The following CABLES1 variants were observed in gnomAD, a reference collection of about 807,000 sequenced individuals.
The protein encoded by CABLES1 is CDK5 and ABL1 enzyme substrate 1.
In CABLES1, 36 loss-of-function variants were observed where a neutral mutation model predicts 57.8. The observed-to-expected ratio is 0.62, with a 90% CI of 0.48 to 0.82. The LOEUF is 0.82. Among genes scored for constraint, CABLES1 ranks in the 40% least tolerant of loss-of-function variants. The pLI, the probability that CABLES1 is intolerant of heterozygous loss-of-function variation, is 0.00. For synonymous variants in CABLES1, 374 were observed against 363.0 expected, an observed-to-expected ratio of 1.03 and a Z score of -0.35; for missense variants, 767 against 836.6, an observed-to-expected ratio of 0.92 and a Z score of 1.03.
At chr18:23,138,897 A>T (rs1237222169) in intron 1 of CABLES1, among the ~76,000 whole-genome samples, 1 of 152,160 alleles carries the variant, frequency 6.6e-6, no homozygotes, top group Non-Finnish European at 1.5e-5. Flanking sequence ...TGGGCTTTGC[A>T]CCTTCAGCTT....
intron 4 of CABLES1, among the ~76,000 whole-genome samples, chr18:23,223,579 GAAA>G (rs1164603815): frequency 5.6e-5 from 4 of 71,864 alleles, no homozygotes; most frequent in Admixed American, 1.3e-4. Context: ...CTCCGTCTCA[GAAA>G]AAAAAAAAAA....
chr18:23,167,905 C>T (rs1349662403), intron 1 of CABLES1, among the ~76,000 whole-genome samples: 2 of 152,204 alleles, frequency 1.3e-5, no homozygotes, highest in Non-Finnish European at 2.9e-5. Flanking sequence ...GCGCTCGCGC[C>T]CTTCGGTTCA....
chr18:23,241,284 G>A (rs890811887), intron 7 of CABLES1, among the ~76,000 whole-genome samples: 1 of 152,072 alleles, frequency 6.6e-6, no homozygotes, highest in Non-Finnish European at 1.5e-5. Context: ...CACTTTGGGA[G>A]GCCGAGGTGG....
At chr18:23,206,396 G>T (rs1203929142) in intron 3 of CABLES1, among the ~76,000 whole-genome samples, 1 of 152,244 alleles carries the variant, frequency 6.6e-6, no homozygotes, top group Non-Finnish European at 1.5e-5. Flanking sequence ...TGGGGAAAAG[G>T]TTAGTAAATG....
chr18:23,199,693 G>A (rs951448695), intron 3 of CABLES1, among the ~76,000 whole-genome samples: 2 of 152,192 alleles, frequency 1.3e-5, no homozygotes, highest in African/African-American at 4.8e-5. Flanking sequence ...TAGGGCAAGA[G>A]GGAATTATTG....
intron 7 of CABLES1, among the ~76,000 whole-genome samples, chr18:23,247,775 C>A (rs994400236): frequency 6.6e-6 from 1 of 152,246 alleles, no homozygotes; most frequent in Non-Finnish European, 1.5e-5. Flanking sequence ...GAGAGCACAG[C>A]AGACAGGAGG....
intron 1 of CABLES1, among the ~76,000 whole-genome samples, chr18:23,171,067 A>G (rs1046172160): frequency 6.6e-6 from 1 of 152,168 alleles, no homozygotes; most frequent in Non-Finnish European, 1.5e-5. Context: ...AAGTGTTGGG[A>G]TTGTAGGCGT....
At chr18:23,191,906 TAAA>T (rs147984743) in intron 2 of CABLES1, among the ~76,000 whole-genome samples, 681 of 81,620 alleles carry the variant, frequency 8.3e-3, no homozygotes, top group Non-Finnish European at 0.012. Context: ...GTTGAATGCT[TAAA>T]AAAAAAAAAA....
At chr18:23,194,561 C>T (rs769396520) in intron 3 of CABLES1, 21 bp downstream of exon 3, 13 of 1,521,752 alleles carry the variant, frequency 8.5e-6, no homozygotes, top group African/African-American at 8.2e-5. Flanking sequence ...CACACAGAAG[C>T]GGCTGCCAGC....
chr18:23,141,818 G>A (rs1056073614), intron 1 of CABLES1, among the ~76,000 whole-genome samples: 2 of 152,224 alleles, frequency 1.3e-5, no homozygotes, highest in Non-Finnish European at 1.5e-5. Context: ...TCTGCGCCAC[G>A]TGCTCAGTAG....
At chr18:23,161,572 G>C in intron 1 of CABLES1, among the ~76,000 whole-genome samples, 1 of 150,060 alleles carries the variant, frequency 6.7e-6, no homozygotes, top group East Asian at 2.0e-4. Flanking sequence ...GGAGTTTGAG[G>C]CCTAACATAC....
chr18:23,247,174 C>G (rs2047917580), intron 7 of CABLES1, among the ~76,000 whole-genome samples: 1 of 152,270 alleles, frequency 6.6e-6, no homozygotes, highest in Admixed American at 6.5e-5. Flanking sequence ...AGGATGCCAT[C>G]TCTTGGCATG....
At chr18:23,245,370 G>C (rs1207942475) in intron 7 of CABLES1, among the ~76,000 whole-genome samples, 4 of 152,084 alleles carry the variant, frequency 2.6e-5, no homozygotes, top group African/African-American at 9.7e-5. Context: ...AAATAGCCAG[G>C]CGTGGTGGCG....
intron 1 of CABLES1, among the ~76,000 whole-genome samples, chr18:23,168,628 A>G (rs376293804): frequency 1.3e-5 from 2 of 152,214 alleles, no homozygotes; most frequent in Non-Finnish European, 2.9e-5. Flanking sequence ...ATCTTTTACC[A>G]TTTTAATAAA....
At position 23,167,518 on chromosome 18, in the gene CABLES1, GTGT is replaced by G. The variant is rs577272142; in HGVS notation, c.846-21317_846-21315del. Among the ~76,000 whole-genome samples the G allele has an allele frequency of 1.1e-4, 16 of 152,310 alleles. No homozygotes were observed. In the East Asian group the frequency reaches 2.3e-3, roughly 22 times the overall value. ...GATTCTGTTGCTTCTAATTTCTGTG[GTGT>G]TGATTAGGTGCTAATTATTTTGGGG... is the stretch of plus-strand genomic sequence containing the variant. On this transcript the variant is annotated intron_variant, in intron 1 of 9. Coordinates refer to ENST00000256925, the MANE Select transcript of CABLES1 (RefSeq NM_001100619.3).
At chr18:23,219,317 A>G (rs891511874) in intron 4 of CABLES1, 8 of 454,064 alleles carry the variant, frequency 1.8e-5, no homozygotes, top group Admixed American at 1.2e-4. Flanking sequence ...AAAAACATTG[A>G]GTCCTAAGCA....
intron 1 of CABLES1, among the ~76,000 whole-genome samples, chr18:23,168,434 T>A (rs1157391304): frequency 6.6e-6 from 1 of 152,020 alleles, no homozygotes; most frequent in Non-Finnish European, 1.5e-5. Context: ...AGACAGAAAG[T>A]AGAATAATGG....
chr18:23,259,219 A>G lies in CABLES1; in HGVS notation c.*1852A>G, dbSNP rs1460750512. On this transcript the variant is annotated 3_prime_UTR_variant, in exon 10 of 10. Transcript: ENST00000256925. ...CCATCCACCTTCCTGGTCAGTGCCT[A>G]CAGGGGGAGAGCCTTTCTGAGAAGC... 1 of 152,150 alleles carries G rather than the reference A, an allele frequency of 6.6e-6. No homozygotes were observed. The highest frequency in any genetic ancestry group is 1.9e-4 in the East Asian group (1 of 5,188). The allele number at this position is 152,150 out of a possible 1,614,324, so 9.4% of individuals were successfully genotyped here. A position where few individuals can be genotyped will look rare whatever the true frequency, so the allele number is the denominator to read the frequency against.
chr18:23,230,406 CATT>C (rs1253802122), intron 4 of CABLES1, among the ~76,000 whole-genome samples: 3 of 152,132 alleles, frequency 2.0e-5, no homozygotes, highest in African/African-American at 7.2e-5. Flanking sequence ...AAGAAACTGA[CATT>C]GTTAGAAATG....
Sources: allele counts gnomAD v4.1 joint callset (sites outside exome capture counted in the v4.1 genomes callset), GRCh38; gene constraint gnomAD v4.1.1; transcripts MANE v1.5; gene names NCBI Gene and HGNC (gene_info 2026-07-23, HGNC 2026-07-21).